Variants in PCDHA3 observed in about 807,000 individuals in gnomAD.
PCDHA3 encodes protocadherin alpha 3.
Under a neutral mutation model 62.2 loss-of-function variants are expected in PCDHA3, and 41 were observed. The observed-to-expected ratio is 0.66, with a 90% confidence interval of 0.51 to 0.86. The LOEUF is 0.86. Ranked by LOEUF, PCDHA3 falls within the 40% of genes least tolerant of loss-of-function variation. The pLI is 0.00. For missense variants in PCDHA3, 1,304 were observed against 1,241.2 expected, an observed-to-expected ratio of 1.05 and a Z score of -0.76; for synonymous variants, 640 against 555.4, an observed-to-expected ratio of 1.15 and a Z score of -2.14.
chr5:140,888,447 A>G (rs1554183478), intron 1 of PCDHA3, among the ~76,000 whole-genome samples: 1 of 152,190 alleles, frequency 6.6e-6, no homozygotes, highest in Non-Finnish European at 1.5e-5. Context: ...CCCAACAATA[A>G]AGAATTAGCT....
At chr5:140,881,259 C>A in intron 1 of PCDHA3, 1 of 524,594 alleles carries the variant, frequency 1.9e-6, no homozygotes, top group Non-Finnish European at 2.4e-6. Flanking sequence ...AGGTTTTACT[C>A]AGTGATGATG....
At chr5:140,871,677 T>C in intron 1 of PCDHA3, 1 of 1,122,130 alleles carries the variant, frequency 8.9e-7, no homozygotes, top group Non-Finnish European at 1.2e-6. Flanking sequence ...TTTAATCATA[T>C]GAATAATCTG....
intron 1 of PCDHA3, among the ~76,000 whole-genome samples, chr5:140,846,616 C>T (rs2150392938): frequency 5.4e-5 from 8 of 149,000 alleles, no homozygotes; most frequent in East Asian, 3.9e-4. Flanking sequence ...CCTCCTGATC[C>T]GCCCACTTCG....
At chr5:140,817,795 A>G (rs1766205087) in intron 1 of PCDHA3, among the ~76,000 whole-genome samples, 1 of 152,196 alleles carries the variant, frequency 6.6e-6, no homozygotes, top group Non-Finnish European at 1.5e-5. Context: ...GCTGGTAAAG[A>G]AACCTTTACG....
At chr5:140,805,780 C>CT (rs1205025543) in intron 1 of PCDHA3, 10 of 189,252 alleles carry the variant, frequency 5.3e-5, no homozygotes, top group African/African-American at 2.1e-4. Context: ...TGTCTAGAGA[C>CT]TTTTTTTGTA....
chr5:140,834,412 G>C (rs2150217251), intron 1 of PCDHA3: 1 of 1,611,044 alleles, frequency 6.2e-7, no homozygotes, highest in Non-Finnish European at 8.5e-7. Context: ...TACGACCCAG[G>C]GGGCCGACAT....
At chr5:140,877,490 G>T (rs2057160256) in intron 1 of PCDHA3, 2 of 1,613,718 alleles carry the variant, frequency 1.2e-6, no homozygotes, top group Non-Finnish European at 1.7e-6. Flanking sequence ...GTGGAGAACG[G>T]CCAGGCCCCA....
At chr5:140,808,888 G>A (rs556570330) in intron 1 of PCDHA3, 3 of 1,613,368 alleles carry the variant, frequency 1.9e-6, no homozygotes, top group Admixed American at 1.7e-5. Context: ...CACTGCTAGC[G>A]CCTCGGGCGG....
intron 1 of PCDHA3, chr5:140,877,691 T>G: frequency 6.2e-7 from 1 of 1,613,746 alleles, no homozygotes. Context: ...CCCACGCTGG[T>G]GTGCTCCAGC....
intron 1 of PCDHA3, chr5:140,842,145 G>T (rs2150330392): frequency 6.2e-7 from 1 of 1,613,710 alleles, no homozygotes; most frequent in Non-Finnish European, 8.5e-7. Context: ...GGAGCCAATG[G>T]GGCAATTTCA....
intron 3 of PCDHA3, among the ~76,000 whole-genome samples, chr5:141,004,307 A>G (rs924420604): frequency 6.6e-6 from 1 of 152,224 alleles, no homozygotes; most frequent in Admixed American, 6.5e-5. Context: ...TTTGTTTTAT[A>G]CAACAACCAG....
chr5:140,875,531 T>G, intron 1 of PCDHA3: 1 of 1,614,100 alleles, frequency 6.2e-7, no homozygotes. Flanking sequence ...TCGCTTCTGC[T>G]CCTTGCAGCC....
intron 1 of PCDHA3, chr5:140,807,952 T>C: frequency 6.2e-7 from 1 of 1,614,140 alleles, no homozygotes; most frequent in South Asian, 1.1e-5. Flanking sequence ...TAGAAAATGT[T>C]CCTAATGGAA....
At chr5:140,945,768 T>C (rs1212479192) in intron 1 of PCDHA3, among the ~76,000 whole-genome samples, 3 of 152,062 alleles carry the variant, frequency 2.0e-5, no homozygotes, top group African/African-American at 7.2e-5. Flanking sequence ...GTGGGACAAT[T>C]TGATATCCAG....
At chr5:141,008,488 C>A (rs1300609417) in intron 3 of PCDHA3, among the ~76,000 whole-genome samples, 1 of 152,124 alleles carries the variant, frequency 6.6e-6, no homozygotes, top group Non-Finnish European at 1.5e-5. Flanking sequence ...CTAGAAGTCA[C>A]TGGTATACTT....
chr5:140,844,634 A>G (rs1352743996), intron 1 of PCDHA3, among the ~76,000 whole-genome samples: 1 of 149,578 alleles, frequency 6.7e-6, no homozygotes, highest in Non-Finnish European at 1.5e-5. Flanking sequence ...AAAACTATAC[A>G]TGATAATTTC....
intron 1 of PCDHA3, chr5:140,822,094 G>A: frequency 1.2e-6 from 2 of 1,614,270 alleles, no homozygotes; most frequent in Non-Finnish European, 1.7e-6. Context: ...CCACCTGGAG[G>A]TGATCGTGGA....
At chr5:141,006,077 T>C (rs1554260547) in intron 3 of PCDHA3, among the ~76,000 whole-genome samples, 1 of 150,908 alleles carries the variant, frequency 6.6e-6, no homozygotes, top group East Asian at 1.9e-4. Flanking sequence ...ATCAGATTAT[T>C]GAAGGGACTT....
At chr5:140,843,005 G>A (rs1562406385) in intron 1 of PCDHA3, 5 of 1,594,914 alleles carry the variant, frequency 3.1e-6, no homozygotes, top group Non-Finnish European at 3.4e-6. Flanking sequence ...GAATGACAAC[G>A]CGCCGGCACT....
Sources: gnomAD v4.1 joint callset for allele counts (sites outside exome capture counted in the v4.1 genomes callset) on GRCh38, gnomAD v4.1.1 for gene constraint, MANE v1.5 for transcripts, NCBI Gene and HGNC (gene_info 2026-07-23, HGNC 2026-07-21) for gene names.